Variants in STK32B observed in about 807,000 individuals in gnomAD.
The protein encoded by STK32B is serine/threonine-protein kinase 32B.
STK32B carries 43 observed loss-of-function variants against 52.6 expected under a neutral mutation model. That is an observed-to-expected ratio of 0.82 (90% CI 0.64 to 1.05). STK32B has a LOEUF of 1.05. STK32B is among the 50% of genes least tolerant of loss of function. The pLI is 0.00. For synonymous variants in STK32B, 238 were observed against 204.3 expected, an observed-to-expected ratio of 1.17 and a Z score of -1.41; for missense variants, 621 against 534.6, an observed-to-expected ratio of 1.16 and a Z score of -1.59.
upstream of STK32B, among the ~76,000 whole-genome samples, chr4:5,049,523 A>C (rs1741678690): frequency 6.6e-6 from 1 of 152,120 alleles, no homozygotes; most frequent in South Asian, 2.1e-4. Flanking sequence ...TTAAAGTCAA[A>C]GGGGTTCTCT....
At chr4:5,175,277 T>C (rs1719760864) in intron 3 of STK32B, among the ~76,000 whole-genome samples, 1 of 152,194 alleles carries the variant, frequency 6.6e-6, no homozygotes, top group South Asian at 2.1e-4. Context: ...AGTAGTTTGA[T>C]CTTCTGAAGC....
chr4:5,279,864 G>A (rs1316832059), intron 3 of STK32B, among the ~76,000 whole-genome samples: 1 of 152,166 alleles, frequency 6.6e-6, no homozygotes, highest in Non-Finnish European at 1.5e-5. Flanking sequence ...AGTCACAGCT[G>A]GAACTGGAGT....
intron 4 of STK32B, among the ~76,000 whole-genome samples, chr4:5,393,776 G>A (rs1403672265): frequency 6.6e-6 from 1 of 152,040 alleles, no homozygotes; most frequent in Non-Finnish European, 1.5e-5. Flanking sequence ...ATGAGATTTG[G>A]GCGGGAACAC....
At position 5,250,938 on chromosome 4, in the gene STK32B, C is replaced by T. The variant is rs183445543; in HGVS notation, c.261-80282C>T. Among the ~76,000 whole-genome samples, 86 of 152,258 alleles carry T rather than the reference C, an allele frequency of 5.6e-4. 2 individuals are homozygous for T. Among genetic ancestry groups the T allele is most frequent in the Non-Finnish European group, 2.5e-4 (17 of 68,012 alleles). Reference sequence around the variant, plus strand: ...GCTTTTTGTTTGCTAATTTAAGTTCCTTACAGATCCTGGATATTAGACCTT... The same window carrying T: ...GCTTTTTGTTTGCTAATTTAAGTTCTTTACAGATCCTGGATATTAGACCTT... On this transcript the variant is annotated intron_variant, in intron 3 of 11. Transcript: ENST00000282908.
At chr4:5,448,898 G>A (rs1219366170) in intron 7 of STK32B, among the ~76,000 whole-genome samples, 1 of 152,162 alleles carries the variant, frequency 6.6e-6, no homozygotes, top group Non-Finnish European at 1.5e-5. Flanking sequence ...CGTTGATTTA[G>A]TCAAAAAGCT....
chr4:5,237,314 T>G (rs943411752), intron 3 of STK32B, among the ~76,000 whole-genome samples: 1 of 152,212 alleles, frequency 6.6e-6, no homozygotes, highest in African/African-American at 2.4e-5. Context: ...GACAGCTGCC[T>G]GCAGGGGACT....
rs377478284 is a variant in STK32B, at chr4:5,051,895, T to A, written c.32T>A (p.Val11Glu). The A allele has an allele frequency of 6.3e-7, 1 of 1,599,670 alleles. No homozygotes were observed. The change falls in exon 1 of 12, where the codon GTG becomes GAG. Residue 11 changes from valine to glutamate, a missense_variant. Physicochemically the swap from Val to Glu is moderately radical, Grantham distance 121. Transcript: ENST00000282908. MGGNHSHKPPVFDENEEVNFD... is the reference protein window; with the variant it reads MGGNHSHKPPEFDENEEVNFD... ...GGGAACCACTCCCACAAGCCCCCCG[T>A]GTTTGACGAGAATGAGGAAGGTAAG... is the stretch of plus-strand genomic sequence containing the variant.
chr4:5,439,362 A>C (rs917317063), intron 6 of STK32B, among the ~76,000 whole-genome samples: 2 of 151,788 alleles, frequency 1.3e-5, no homozygotes, highest in African/African-American at 4.8e-5. Flanking sequence ...AGTGATGATG[A>C]GCATTTTTTC....
intron 11 of STK32B, among the ~76,000 whole-genome samples, chr4:5,492,343 T>A (rs908527006): frequency 1.3e-5 from 2 of 152,194 alleles, no homozygotes; most frequent in African/African-American, 2.4e-5. Flanking sequence ...TTGAAGCAAT[T>A]GTGAATGGGA....
At position 5,407,473 on chromosome 4, in the gene STK32B, T is replaced by C. The variant is rs117939974; in HGVS notation, c.472+9229T>C. On this transcript the variant is annotated intron_variant, in intron 5 of 11. Transcript: ENST00000282908. ...GGTACCAATTTTCTATATTAGTTTGTTGTCACACTGCTATAAAGAACTACC... is the reference window on the plus strand; with the variant it reads ...GGTACCAATTTTCTATATTAGTTTGCTGTCACACTGCTATAAAGAACTACC... 5.1e-3 allele frequency among the ~76,000 whole-genome samples: 783 copies of C among 152,268 alleles called. 22 individuals are homozygous for C. In the East Asian group the frequency reaches 0.073, roughly 14 times the overall value.
At chr4:5,143,360 A>G (rs1367994648) in intron 2 of STK32B, among the ~76,000 whole-genome samples, 1 of 152,182 alleles carries the variant, frequency 6.6e-6, no homozygotes, top group Non-Finnish European at 1.5e-5. Context: ...GCAAATGATT[A>G]TTCAGAAATC....
chr4:5,123,757 C>A (rs1183753124), intron 1 of STK32B, among the ~76,000 whole-genome samples: 5 of 152,076 alleles, frequency 3.3e-5, no homozygotes, highest in Non-Finnish European at 5.9e-5. Flanking sequence ...ACCACATAAG[C>A]AAATCCAGTC....
At chr4:5,356,767 C>T (rs1734195816) in intron 4 of STK32B, among the ~76,000 whole-genome samples, 1 of 152,140 alleles carries the variant, frequency 6.6e-6, no homozygotes, top group Non-Finnish European at 1.5e-5. Context: ...GAAACCGAGG[C>T]AGGTGTATCA....
chr4:5,099,006 T>C (rs1408439082), intron 1 of STK32B, among the ~76,000 whole-genome samples: 1 of 152,198 alleles, frequency 6.6e-6, no homozygotes, highest in Non-Finnish European at 1.5e-5. Flanking sequence ...GGAGGTCAGA[T>C]GTCTACAGTG....
intron 3 of STK32B, among the ~76,000 whole-genome samples, chr4:5,172,125 A>G (rs1014339255): frequency 2.6e-5 from 4 of 151,978 alleles, no homozygotes; most frequent in Non-Finnish European, 5.9e-5. Flanking sequence ...TTGTTGGTGT[A>G]TAAGAATGCT....
chr4:5,030,812 A>G, the STK32B span, among the ~76,000 whole-genome samples: 5 of 152,300 alleles, frequency 3.3e-5, no homozygotes, highest in African/African-American at 9.6e-5. Flanking sequence ...GAAAAAAAGT[A>G]ATTTACATGA....
Position 5,499,292 on chromosome 4 carries a change from C to A in STK32B, c.*209C>A. ...TCAGACAAGTCACGCCCTCTCTGTG[C>A]CTCCGTTTTCTGCATCTGCCAAAGG... On this transcript the variant is annotated 3_prime_UTR_variant, in exon 12 of 12. Transcript: ENST00000282908. 1 of 538,972 alleles carries A rather than the reference C, an allele frequency of 1.9e-6. No individual in the cohort carries two copies. Among genetic ancestry groups the A allele is most frequent in the Non-Finnish European group, 2.9e-6 (1 of 344,618 alleles). 33.4% of individuals were successfully genotyped at this position (538,972 alleles called of 1,614,324 possible).
At chr4:5,139,490 G>A in intron 1 of STK32B, 1 of 187,480 alleles carries the variant, frequency 5.3e-6, no homozygotes, top group East Asian at 1.3e-4. Flanking sequence ...GGCTGAGTGT[G>A]CAGAAGGAAG....
At chr4:5,157,300 A>T (rs796085886) in intron 2 of STK32B, among the ~76,000 whole-genome samples, 78 of 53,346 alleles carry the variant, frequency 1.5e-3, no homozygotes, top group African/African-American at 5.1e-3. Flanking sequence ...GTGAGGATGT[A>T]AAAAAAAAAA....
Sources: gnomAD v4.1 joint callset for allele counts (sites outside exome capture counted in the v4.1 genomes callset) on GRCh38, gnomAD v4.1.1 for gene constraint, MANE v1.5 for transcripts, NCBI Gene and HGNC (gene_info 2026-07-23, HGNC 2026-07-21) for gene names.